Variants in JDP2 observed in about 807,000 individuals in gnomAD.
JDP2 encodes progesterone receptor co-activator.
A neutral mutation model predicts 17.1 loss-of-function variants in JDP2; 9 were observed. The observed-to-expected ratio is 0.53, with a 90% CI of 0.32 to 0.92. The LOEUF (loss-of-function observed/expected upper bound fraction) is 0.92, where lower values mean the gene tolerates loss of function less well. Ranked by LOEUF, JDP2 falls within the 40% of genes least tolerant of loss-of-function variation. The pLI is 0.04. For synonymous variants in JDP2, 107 were observed against 95.6 expected (o/e 1.12, Z -0.69); for missense variants, 179 against 220.0 (o/e 0.81, Z 1.18).
chr14:75,459,779 G>T (rs1886274761), intron 2 of JDP2, among the ~76,000 whole-genome samples: 1 of 152,166 alleles, frequency 6.6e-6, no homozygotes, highest in Non-Finnish European at 1.5e-5. Context: ...AGCTGGTCCT[G>T]GGTGTCCTTC....
At chr14:75,442,727 T>C (rs1885411764) in intron 2 of JDP2, among the ~76,000 whole-genome samples, 1 of 152,190 alleles carries the variant, frequency 6.6e-6, no homozygotes, top group South Asian at 2.1e-4. Flanking sequence ...TTAAAAAGTA[T>C]AAATTTCTAG....
rs758577818 is a variant in JDP2 at position 75,467,602 on chromosome 14, G to A, written c.307-1688G>A. On this transcript the variant is annotated intron_variant, in intron 3 of 3. Coordinates refer to ENST00000651602, the MANE Select transcript of JDP2 (RefSeq NM_001135048.2). Reference sequence around the variant, plus strand: ...TGGAACTAAGCCCTTGGGCTGGGGAGACCGTGATGGTCAGAGGGTTTGTGA... The same window carrying A: ...TGGAACTAAGCCCTTGGGCTGGGGAAACCGTGATGGTCAGAGGGTTTGTGA... 3.3e-4 allele frequency among the ~76,000 whole-genome samples: 50 copies of A among 152,156 alleles called. 1 individual carries two copies. The highest frequency in any genetic ancestry group is 6.3e-4 in the Non-Finnish European group (43 of 68,028).
chr14:75,454,970 A>G (rs1886036086), intron 2 of JDP2, among the ~76,000 whole-genome samples: 2 of 152,116 alleles, frequency 1.3e-5, no homozygotes, highest in Non-Finnish European at 2.9e-5. Context: ...GAGCCACTGC[A>G]GCCGTCCAGT....
rs1007928846 is a variant in JDP2 at position 75,428,854 on chromosome 14, G to A, written c.-24+602G>A. Reference sequence around the variant, plus strand: ...TTGCTTCGGAGCTCTGGGCTGGGAGGGGATCTAGGGGTGGCCGGGGTCCCC... The same window carrying A: ...TTGCTTCGGAGCTCTGGGCTGGGAGAGGATCTAGGGGTGGCCGGGGTCCCC... On this transcript the variant is annotated intron_variant, in intron 1 of 3. Transcript: ENST00000651602. This position sits in a 1 kb window ranked among gnomAD's most constrained non-coding sequence, Gnocchi z 5.6. Among the ~76,000 whole-genome samples, 4 of 152,156 alleles carry A rather than the reference G, an allele frequency of 2.6e-5. No individual in the cohort carries two copies. The highest frequency in any genetic ancestry group is 5.9e-5 in the Non-Finnish European group (4 of 68,016).
rs756416465 is a variant in JDP2, at chr14:75,437,950, G to A, written c.30G>A (p.Ser10=). ...TGCCTGGGCAGATCCCGGACCCTTC[G>A]GTGACCACAGGCTCCCTGCCAGGGC... MMPGQIPDP[S]VTTGSLPGLG... The change falls in exon 2 of 4, where the codon TCG becomes TCA. Residue 10 remains serine (S), a synonymous_variant. Transcript: ENST00000651602. 8.7e-6 allele frequency: 14 copies of A among 1,612,606 alleles called. No homozygotes were observed. The highest frequency in any genetic ancestry group is 2.2e-5 in the South Asian group (2 of 90,756).
intron 2 of JDP2, among the ~76,000 whole-genome samples, chr14:75,448,738 T>C (rs554179987): frequency 6.6e-6 from 1 of 152,288 alleles, no homozygotes; most frequent in South Asian, 2.1e-4. Context: ...GGTTCCTTCA[T>C]TGTTTTAGAA....
chr14:75,428,247 T>C lies in JDP2; in HGVS notation c.-29T>C, dbSNP rs534899669. The C allele has an allele frequency of 2.0e-4, 29 of 145,662 alleles. No individual in the cohort carries two copies. The highest frequency in any genetic ancestry group is 2.4e-4 in the Non-Finnish European group (16 of 65,544). The allele number at this position is 145,662 out of a possible 1,614,324, so 9.0% of individuals were successfully genotyped here. A position where few individuals can be genotyped will look rare whatever the true frequency, so the allele number is the denominator to read the frequency against. On this transcript the variant is annotated 5_prime_UTR_variant, in exon 1 of 4. Coordinates refer to ENST00000651602, the MANE Select transcript of JDP2 (RefSeq NM_001135048.2). This position sits in a 1 kb window ranked among gnomAD's most constrained non-coding sequence, Gnocchi z 5.6. ...GGGCGCCGCCTCCCCCCGCACCTTCTGCACGGTGGGTGCGAGGGCGCGCGC... is the reference window on the plus strand; with the variant it reads ...GGGCGCCGCCTCCCCCCGCACCTTCCGCACGGTGGGTGCGAGGGCGCGCGC...
chr14:75,449,309 G>A (rs997671717), intron 2 of JDP2, among the ~76,000 whole-genome samples: 3 of 152,198 alleles, frequency 2.0e-5, no homozygotes, highest in African/African-American at 7.2e-5. Flanking sequence ...GCCAGCTTGG[G>A]ACTTTCAGAA....
Position 75,444,096 on chromosome 14 carries a change from G to T in JDP2, c.201+5975G>T, listed in dbSNP as rs1885484339. 2.0e-5 allele frequency among the ~76,000 whole-genome samples: 3 copies of T among 152,018 alleles called. No individual in the cohort carries two copies. The South Asian group carries it at 6.2e-4, about 32-fold the overall frequency. Reference sequence around the variant, plus strand: ...TTTTGTATTTTTTGTAGAGATGGGGGTTTTGCCATGTTGCCCAGGCTGTTT... The same window carrying T: ...TTTTGTATTTTTTGTAGAGATGGGGTTTTTGCCATGTTGCCCAGGCTGTTT... On this transcript the variant is annotated intron_variant, in intron 2 of 3. Transcript: ENST00000651602.
intron 2 of JDP2, among the ~76,000 whole-genome samples, chr14:75,449,564 G>T (rs1695682659): frequency 6.6e-6 from 1 of 152,092 alleles, no homozygotes; most frequent in Non-Finnish European, 1.5e-5. Context: ...GTCTTGTGGG[G>T]GCCACCATTT....
At chr14:75,436,931 C>T (rs372815438) in intron 1 of JDP2, among the ~76,000 whole-genome samples, 10 of 152,170 alleles carry the variant, frequency 6.6e-5, no homozygotes, top group Non-Finnish European at 1.3e-4. Context: ...CAGTGGCTCA[C>T]GCCTATAATC....
intron 1 of JDP2, among the ~76,000 whole-genome samples, chr14:75,436,572 G>C (rs1487332673): frequency 6.6e-6 from 1 of 152,220 alleles, no homozygotes; most frequent in Non-Finnish European, 1.5e-5. Context: ...TACTTAAAAG[G>C]CTGCTTCAAA....
chr14:75,459,073 G>C (rs1436337275), intron 2 of JDP2, among the ~76,000 whole-genome samples: 1 of 152,236 alleles, frequency 6.6e-6, no homozygotes, highest in African/African-American at 2.4e-5. Flanking sequence ...TGTGCAGGAT[G>C]GGGGTAGGGA....
At position 75,470,110 on chromosome 14, in the gene JDP2, C is replaced by G. The variant is rs548919496; in HGVS notation, c.*635C>G. 6.6e-5 allele frequency: 10 copies of G among 152,402 alleles called. No homozygotes were observed. In the East Asian group the frequency reaches 1.9e-3, roughly 29 times the overall value. The allele number at this position is 152,402 out of a possible 1,614,324, so 9.4% of individuals were successfully genotyped here. A position where few individuals can be genotyped will look rare whatever the true frequency, so the allele number is the denominator to read the frequency against. On this transcript the variant is annotated 3_prime_UTR_variant, in exon 4 of 4. Transcript: ENST00000651602. ...GCGCCCTTCCAAAGCACATACTCAC[C>G]GAATGTTTACAGACTGGCTGTCCTG...
At chr14:75,466,733 T>C (rs897397157) in intron 3 of JDP2, among the ~76,000 whole-genome samples, 2 of 152,166 alleles carry the variant, frequency 1.3e-5, no homozygotes, top group Non-Finnish European at 2.9e-5. Context: ...AACTTCAAAC[T>C]CACTGTACCC....
chr14:75,465,234 C>T (rs1160955866), intron 3 of JDP2, among the ~76,000 whole-genome samples: 1 of 152,220 alleles, frequency 6.6e-6, no homozygotes, highest in East Asian at 1.9e-4. Context: ...AGGGGCATAT[C>T]AGGCTGCTTC....
At chr14:75,429,001 G>C (rs1407322591) in intron 1 of JDP2, among the ~76,000 whole-genome samples, 1 of 151,962 alleles carries the variant, frequency 6.6e-6, no homozygotes, top group East Asian at 1.9e-4. Context: ...CCCTTCAAAG[G>C]AGGTTGTCGA....
At chr14:75,465,156 G>A (rs3784010) in intron 3 of JDP2, among the ~76,000 whole-genome samples, 15,435 of 152,164 alleles carry the variant, frequency 0.1, 966 homozygotes, top group African/African-American at 0.17. Flanking sequence ...TAGGAAACTC[G>A]TTTGTGGAAG....
chr14:75,453,616 C>T (rs61978933), intron 2 of JDP2, among the ~76,000 whole-genome samples: 3,422 of 152,306 alleles, frequency 0.022, 58 homozygotes, highest in South Asian at 0.055. Flanking sequence ...CTACCATGTG[C>T]GGCAGGGCTC....
Sources: allele counts gnomAD v4.1 joint callset (sites outside exome capture counted in the v4.1 genomes callset), GRCh38; gene constraint gnomAD v4.1.1; non-coding constraint Gnocchi (gnomAD v3.1); transcripts MANE v1.5; gene names NCBI Gene and HGNC (gene_info 2026-07-23, HGNC 2026-07-21).